Variants in ITGAE observed in about 807,000 individuals in gnomAD.
ITGAE encodes integrin subunit alpha E.
In ITGAE, 99 loss-of-function variants were observed where a neutral mutation model predicts 136.5. The observed-to-expected ratio is 0.73, with a 90% CI of 0.62 to 0.86. The LOEUF (loss-of-function observed/expected upper bound fraction) is 0.86, where lower values mean the gene tolerates loss of function less well. Among genes scored for constraint, ITGAE ranks in the 40% least tolerant of loss-of-function variants. The probability of loss-of-function intolerance (pLI) is 0.00; values close to 1 mark genes in which losing one functional copy is unlikely to be tolerated. For missense variants in ITGAE, 1,447 were observed against 1,515.3 expected (o/e 0.95, Z 0.75); for synonymous variants, 613 against 591.8 (o/e 1.04, Z -0.52).
chr17:3,745,585 C>T (rs527442583), intron 18 of ITGAE, among the ~76,000 whole-genome samples, 179 bp downstream of exon 18: 1 of 152,130 alleles, frequency 6.6e-6, no homozygotes, highest in Admixed American at 6.6e-5. Context: ...CAAGTGATCC[C>T]CCCGCCTTGG....
chr17:3,755,357 T>G, intron 11 of ITGAE, 96 bp from the exon 12 acceptor site: 1 of 1,390,294 alleles, frequency 7.2e-7, no homozygotes, highest in Non-Finnish European at 9.4e-7. Context: ...CTAACCTGGC[T>G]GGGAGCAGGG....
intron 18 of ITGAE, among the ~76,000 whole-genome samples, chr17:3,745,365 G>C (rs2051686246): frequency 6.6e-6 from 1 of 152,118 alleles, no homozygotes; most frequent in Non-Finnish European, 1.5e-5. Flanking sequence ...TTTTGAGATG[G>C]AGTCTTGCTC....
intron 26 of ITGAE, chr17:3,724,887 G>A (rs2051169818): frequency 1.2e-6 from 2 of 1,613,582 alleles, no homozygotes; most frequent in Non-Finnish European, 1.7e-6. Flanking sequence ...GGAGGCCAGT[G>A]TTCCCAAGGG....
chr17:3,724,061 TTTC>T (rs770595299), intron 26 of ITGAE: 1 of 1,595,812 alleles, frequency 6.3e-7, no homozygotes, highest in East Asian at 2.2e-5. Context: ...ACCGGAGGCG[TTTC>T]TTCAACAGCA....
chr17:3,760,316 G>T (rs1322068188), intron 6 of ITGAE, 29 bp from the exon 7 acceptor site: 7 of 1,399,770 alleles, frequency 5.0e-6, no homozygotes, highest in Non-Finnish European at 7.1e-6. Flanking sequence ...TCAGGAGTGG[G>T]CATGGGATGT....
At chr17:3,784,135 C>T (rs2052728549) in intron 1 of ITGAE, among the ~76,000 whole-genome samples, 1 of 151,956 alleles carries the variant, frequency 6.6e-6, no homozygotes, top group Non-Finnish European at 1.5e-5. Flanking sequence ...TGGCGGGCGC[C>T]TGTAGTCCCA....
intron 2 of ITGAE, among the ~76,000 whole-genome samples, chr17:3,768,577 G>A (rs564575615): frequency 3.3e-5 from 5 of 152,068 alleles, no homozygotes; most frequent in Admixed American, 6.5e-5. Flanking sequence ...TCCCTCCACC[G>A]CGCTGTTTCC....
intron 2 of ITGAE, among the ~76,000 whole-genome samples, chr17:3,772,217 C>T (rs970719149): frequency 3.9e-5 from 6 of 151,982 alleles, no homozygotes; most frequent in Non-Finnish European, 8.8e-5. Flanking sequence ...CCTCGATGCG[C>T]CCCCCCGTAC....
intron 1 of ITGAE, among the ~76,000 whole-genome samples, chr17:3,778,399 C>G (rs932731183): frequency 1.3e-5 from 2 of 152,082 alleles, no homozygotes; most frequent in African/African-American, 4.8e-5. Flanking sequence ...CCTGTCTCTA[C>G]GAAAAACGCA....
chr17:3,761,872 C>G, intron 4 of ITGAE, 43 bp downstream of exon 4: 1 of 1,562,450 alleles, frequency 6.4e-7, no homozygotes, highest in Non-Finnish European at 8.8e-7. Context: ...AGGGCTAGCA[C>G]CAGCCTCCCT....
intron 26 of ITGAE, chr17:3,726,074 T>TGA: frequency 6.2e-7 from 1 of 1,614,184 alleles, no homozygotes; most frequent in Non-Finnish European, 8.5e-7. Flanking sequence ...TGTTTACCGG[T>TGA]GACGGTGACT....
intron 30 of ITGAE, among the ~76,000 whole-genome samples, chr17:3,716,214 G>T (rs1446779785): frequency 9.1e-6 from 1 of 109,330 alleles, no homozygotes; most frequent in East Asian, 2.2e-4. Context: ...GGCAGAGACG[G>T]GTAGCGGACA....
At chr17:3,716,516 GA>G (rs1436819577) in intron 30 of ITGAE, among the ~76,000 whole-genome samples, 171 bp downstream of exon 30, 1 of 152,214 alleles carries the variant, frequency 6.6e-6, no homozygotes, top group Non-Finnish European at 1.5e-5. Context: ...TTTTCAGACA[GA>G]TACTGTTTTA....
chr17:3,753,005 G>A (rs147893056), intron 14 of ITGAE, among the ~76,000 whole-genome samples: 2 of 152,370 alleles, frequency 1.3e-5, no homozygotes, highest in Non-Finnish European at 2.9e-5. Context: ...CCAAGATCCT[G>A]CCATTGCATT....
chr17:3,731,016 G>A, intron 23 of ITGAE, 88 bp downstream of exon 23: 1 of 1,057,214 alleles, frequency 9.5e-7, no homozygotes, highest in South Asian at 1.3e-5. Context: ...GGGCTGTAAG[G>A]GGGCCGTTCC....
intron 26 of ITGAE, chr17:3,725,439 A>G (rs770198378): frequency 2.5e-6 from 4 of 1,614,204 alleles, no homozygotes; most frequent in Non-Finnish European, 3.4e-6. Context: ...GTTTCAAACA[A>G]TTGCTGATCA....
At position 3,739,876 on chromosome 17, in the gene ITGAE, C is replaced by T. The variant is rs1346565324; in HGVS notation, c.2451G>A (p.Leu817=). The part of the protein sequence containing the change: ...RYTEPFAIFQ[L]PYEKACKNKL... ...TATTCTTGCAGGCCTTCTCATAGGG[C>T]AGCTGTAACCAGACAGAGAGTCCCG... Residue 817 remains leucine, a splice_region_variant and synonymous_variant, in exon 20 of 31, where the codon CTG becomes CTA. Transcript: ENST00000263087. 3 of 1,613,862 alleles carry T rather than the reference C, an allele frequency of 1.9e-6. No homozygotes were observed. The South Asian group carries it at 3.3e-5, about 18-fold the overall frequency.
intron 28 of ITGAE, 125 bp downstream of exon 28, chr17:3,723,156 AGGGTTGG>A: frequency 3.0e-6 from 2 of 658,940 alleles, no homozygotes; most frequent in East Asian, 2.8e-5. Context: ...GTTGGGACAG[AGGGTTGG>A]TTTTTTGCAC....
At chr17:3,755,081 G>GGTGGCCCCGCCCTCATCAT (rs1567535531) in intron 12 of ITGAE, 36 bp downstream of exon 12, 2 of 1,543,412 alleles carry the variant, frequency 1.3e-6, no homozygotes, top group South Asian at 1.2e-5. Flanking sequence ...GCCCTCATCA[G>GGTGGCCCCGCCCTCATCAT]GTGGCCCCGC....
Sources: gnomAD v4.1 joint callset for allele counts (sites outside exome capture counted in the v4.1 genomes callset) on GRCh38, gnomAD v4.1.1 for gene constraint, MANE v1.5 for transcripts, NCBI Gene and HGNC (gene_info 2026-07-23, HGNC 2026-07-21) for gene names.